Variants in SCAPER observed in about 807,000 individuals in gnomAD.
SCAPER encodes S phase cyclin A-associated protein in the endoplasmic reticulum.
In SCAPER, 98 loss-of-function variants were observed where a neutral mutation model predicts 182.2. The ratio of observed to expected loss-of-function variants is 0.54; its 90% CI spans 0.46 to 0.64. SCAPER has a LOEUF of 0.64. Among genes scored for constraint, SCAPER ranks in the 30% least tolerant of loss-of-function variants. The pLI, the probability that SCAPER is intolerant of heterozygous loss-of-function variation, is 0.00. For synonymous variants in SCAPER, 605 were observed against 564.6 expected (o/e 1.07, Z -1.01); for missense variants, 1,432 against 1,690.0 (o/e 0.85, Z 2.68).
At chr15:76,847,642 C>T (rs903502745) in intron 4 of SCAPER, among the ~76,000 whole-genome samples, 5 of 152,146 alleles carry the variant, frequency 3.3e-5, no homozygotes, top group Admixed American at 1.3e-4. Context: ...GTTCCTCAGC[C>T]GAGTGCAGTG....
chr15:76,565,299 C>CT (rs556026398), intron 23 of SCAPER, among the ~76,000 whole-genome samples: 4 of 151,824 alleles, frequency 2.6e-5, no homozygotes, highest in Non-Finnish European at 4.4e-5. Flanking sequence ...CTATAAGGAA[C>CT]TTTTTTTTAA....
In SCAPER at chr15:76,774,857, G is replaced by A; in HGVS notation, c.1033C>T (p.Gln345Ter). The A allele has an allele frequency of 6.2e-7, 1 of 1,609,742 alleles. No individual in the cohort carries two copies. The highest frequency in any genetic ancestry group is 8.5e-7 in the Non-Finnish European group (1 of 1,177,868). Residue 345 changes from glutamine to a stop codon, truncating the protein, a stop_gained and splice_region_variant, in exon 9 of 32, where the codon CAG (glutamine) becomes TAG (stop). Transcript: ENST00000563290. LOFTEE classifies it high-confidence loss of function. ...SCDHPLAEKT[Q>*]FTVSTLDDVK... ...AAAGGATTTTCAGAATGTACTACCT[G>A]GGTTTTTTCGGCAAGAGGATGGTCA...
intron 28 of SCAPER, among the ~76,000 whole-genome samples, chr15:76,377,265 C>CT (rs1214858775): frequency 6.6e-6 from 1 of 152,162 alleles, no homozygotes; most frequent in East Asian, 1.9e-4. Context: ...AAAATTACTG[C>CT]TAAATTTTAA....
At chr15:76,715,434 G>A (rs527586628) in intron 17 of SCAPER, among the ~76,000 whole-genome samples, 49 of 152,174 alleles carry the variant, frequency 3.2e-4, no homozygotes, top group Non-Finnish European at 5.9e-4. Flanking sequence ...GAGACACAGT[G>A]CCCCATCTGC....
intron 1 of SCAPER, among the ~76,000 whole-genome samples, chr15:76,902,497 A>T (rs9788684): frequency 0.38 from 57,646 of 151,702 alleles, 12,977 homozygotes; most frequent in Middle Eastern, 0.53. Flanking sequence ...ATTTTTTTTT[A>T]AAAAAAGGTT....
intron 20 of SCAPER, among the ~76,000 whole-genome samples, chr15:76,674,169 T>C (rs2057224475): frequency 6.6e-6 from 1 of 152,172 alleles, no homozygotes; most frequent in African/African-American, 2.4e-5. Context: ...GAAAATGAAA[T>C]GCAGAACTGG....
intron 5 of SCAPER, among the ~76,000 whole-genome samples, chr15:76,826,433 G>A (rs2151684494): frequency 8.9e-6 from 1 of 112,192 alleles, no homozygotes. Context: ...GAGGGGGGAG[G>A]GATAGCATTG....
At chr15:76,400,344 C>T (rs764953261) in intron 27 of SCAPER, among the ~76,000 whole-genome samples, 1 of 152,296 alleles carries the variant, frequency 6.6e-6, no homozygotes, top group South Asian at 2.1e-4. Context: ...ATGTGAATTA[C>T]TCCAATAAAG....
chr15:76,716,700 C>G (rs1644192907), intron 17 of SCAPER, among the ~76,000 whole-genome samples: 1 of 151,144 alleles, frequency 6.6e-6, no homozygotes, highest in Non-Finnish European at 1.5e-5. Context: ...CAGACTAGAT[C>G]AAGCAGAAGA....
chr15:76,495,991 GAGAC>G (rs1479625047), intron 24 of SCAPER, among the ~76,000 whole-genome samples: 7,222 of 100,934 alleles, frequency 0.072, 321 homozygotes, highest in African/African-American at 0.12. Flanking sequence ...GCAAAAGAGA[GAGAC>G]ACACACACAC....
At chr15:76,796,320 G>A (rs184711421) in intron 7 of SCAPER, among the ~76,000 whole-genome samples, 2 of 152,188 alleles carry the variant, frequency 1.3e-5, no homozygotes, top group East Asian at 1.9e-4. Context: ...CTCCTCATTT[G>A]ACAGCAACTT....
intron 21 of SCAPER, among the ~76,000 whole-genome samples, chr15:76,645,535 T>C (rs2054475577): frequency 6.6e-6 from 1 of 152,052 alleles, no homozygotes; most frequent in African/African-American, 2.4e-5. Flanking sequence ...CCTTTTTTTT[T>C]TTTGGTTTGT....
intron 26 of SCAPER, among the ~76,000 whole-genome samples, chr15:76,416,458 C>A (rs755604883): frequency 3.3e-5 from 5 of 151,734 alleles, no homozygotes; most frequent in Non-Finnish European, 7.4e-5. Flanking sequence ...CACTACATTC[C>A]AGCCTGGGTG....
chr15:76,842,303 T>A (rs2069556445), intron 4 of SCAPER, among the ~76,000 whole-genome samples: 1 of 152,172 alleles, frequency 6.6e-6, no homozygotes, highest in Non-Finnish European at 1.5e-5. Context: ...CATCTTGAAT[T>A]ATAATCTCCA....
intron 21 of SCAPER, among the ~76,000 whole-genome samples, chr15:76,628,077 A>G (rs2052754456): frequency 6.6e-6 from 1 of 152,182 alleles, no homozygotes; most frequent in Non-Finnish European, 1.5e-5. Flanking sequence ...TGTTGGCCGC[A>G]TGAATGTCTT....
At chr15:76,511,723 T>C (rs1597117749) in intron 23 of SCAPER, among the ~76,000 whole-genome samples, 2 of 152,250 alleles carry the variant, frequency 1.3e-5, no homozygotes, top group East Asian at 1.9e-4. Context: ...TCAGAGACCA[T>C]GTCTGCTTTA....
intron 22 of SCAPER, among the ~76,000 whole-genome samples, chr15:76,615,492 GACACACACACACACACACACAC>G (rs200914871): frequency 7.1e-6 from 1 of 140,680 alleles, no homozygotes; most frequent in Non-Finnish European, 1.5e-5. Context: ...CACACACACA[GACACACACACACACACACACAC>G]ACACACACAC....
At chr15:76,571,260 T>C (rs12438077) in intron 23 of SCAPER, among the ~76,000 whole-genome samples, 58,074 of 152,038 alleles carry the variant, frequency 0.38, 13,097 homozygotes, top group Middle Eastern at 0.52. Context: ...TTAAGAAAAC[T>C]GCTTTCTTCC....
chr15:76,891,020 C>A (rs1427863072), intron 1 of SCAPER, among the ~76,000 whole-genome samples: 1 of 152,148 alleles, frequency 6.6e-6, no homozygotes, highest in Admixed American at 6.5e-5. Context: ...TCAACATATG[C>A]AAATCAATAA....
Sources: allele counts gnomAD v4.1 joint callset (sites outside exome capture counted in the v4.1 genomes callset), GRCh38; gene constraint gnomAD v4.1.1; transcripts MANE v1.5; gene names NCBI Gene and HGNC (gene_info 2026-07-23, HGNC 2026-07-21).